The following LURAP1L variants were observed in gnomAD, a reference collection of about 807,000 sequenced individuals.
LURAP1L encodes the protein leucine rich adaptor protein 1 like.
LURAP1L carries 12 observed loss-of-function variants against 13.8 expected under a neutral mutation model. The ratio of observed to expected loss-of-function variants is 0.87; its 90% CI spans 0.56 to 1.41. The LOEUF is 1.41. Among genes scored for constraint, LURAP1L ranks in the 40% most tolerant of loss-of-function variants. The probability of loss-of-function intolerance (pLI) is 0.00; values close to 1 mark genes in which losing one functional copy is unlikely to be tolerated. For missense variants in LURAP1L, 375 were observed against 292.9 expected (o/e 1.28, Z -2.04); for synonymous variants, 139 against 119.2 (o/e 1.17, Z -1.08).
Position 12,775,748 on chromosome 9 carries a change from C to T in LURAP1L, c.33C>T (p.Asp11=), listed in dbSNP as rs760664138. The T allele has an allele frequency of 5.6e-6, 9 of 1,603,796 alleles. No individual in the cohort carries two copies. Among genetic ancestry groups the T allele is most frequent in the Non-Finnish European group, 6.8e-6 (8 of 1,176,846 alleles). Residue 11 remains aspartate, a synonymous_variant, in exon 1 of 2, where the codon GAC becomes GAT. Coordinates refer to ENST00000319264, the MANE Select transcript of LURAP1L (RefSeq NM_203403.2). MEDSPLPDLR[D]IELKLGRKVP... The stretch of plus-strand genomic sequence containing the variant: ...ACAGCCCGCTGCCAGACCTCAGAGA[C>T]ATCGAGCTGAAGCTGGGGCGCAAAG...
chr9:12,798,595 C>T (rs1412454265), intron 1 of LURAP1L, among the ~76,000 whole-genome samples: 3 of 152,138 alleles, frequency 2.0e-5, no homozygotes, highest in Admixed American at 6.5e-5. Context: ...TAGGCATCTG[C>T]TTTTATCACC....
intron 1 of LURAP1L, among the ~76,000 whole-genome samples, chr9:12,805,901 C>T (rs904917432): frequency 2.0e-5 from 3 of 151,966 alleles, no homozygotes; most frequent in African/African-American, 7.3e-5. Flanking sequence ...ATAAGTTAAA[C>T]AAATGTGGAA....
chr9:12,789,944 GA>G (rs2118487381), intron 1 of LURAP1L, among the ~76,000 whole-genome samples: 1 of 152,166 alleles, frequency 6.6e-6, no homozygotes, highest in East Asian at 1.9e-4. Flanking sequence ...TAATTGTGAC[GA>G]CAAAATTGTA....
intron 1 of LURAP1L, among the ~76,000 whole-genome samples, chr9:12,819,101 G>C (rs1819840759): frequency 6.6e-6 from 1 of 152,128 alleles, no homozygotes; most frequent in Non-Finnish European, 1.5e-5. Flanking sequence ...TCATTGCAAG[G>C]TTATTGAGAC....
intron 1 of LURAP1L, among the ~76,000 whole-genome samples, chr9:12,804,348 T>TC (rs1819627140): frequency 6.7e-6 from 1 of 149,120 alleles, no homozygotes; most frequent in Admixed American, 6.8e-5. Context: ...GTTATCTGAT[T>TC]TTTTTTTTTT....
At chr9:12,819,540 A>G (rs2030203421) in intron 1 of LURAP1L, among the ~76,000 whole-genome samples, 1 of 152,212 alleles carries the variant, frequency 6.6e-6, no homozygotes, top group Non-Finnish European at 1.5e-5. Context: ...CCAAGAATGA[A>G]TGTCTGATAA....
chr9:12,780,300 C>A (rs1329782940), intron 1 of LURAP1L, among the ~76,000 whole-genome samples: 1 of 152,072 alleles, frequency 6.6e-6, no homozygotes, highest in East Asian at 1.9e-4. Flanking sequence ...TGGTGACTTG[C>A]CAGGTGTGTG....
At chr9:12,797,325 T>C (rs1410660801) in intron 1 of LURAP1L, among the ~76,000 whole-genome samples, 1 of 152,112 alleles carries the variant, frequency 6.6e-6, no homozygotes, top group Non-Finnish European at 1.5e-5. Flanking sequence ...ACTACTGCTA[T>C]GGTTGAAGAG....
At chr9:12,789,301 G>C (rs1426228471) in intron 1 of LURAP1L, among the ~76,000 whole-genome samples, 2 of 152,090 alleles carry the variant, frequency 1.3e-5, no homozygotes, top group Non-Finnish European at 2.9e-5. Flanking sequence ...AACTTACTAA[G>C]CATTAGTGTT....
At chr9:12,815,558 T>C (rs1482156065) in intron 1 of LURAP1L, among the ~76,000 whole-genome samples, 1 of 152,154 alleles carries the variant, frequency 6.6e-6, no homozygotes, top group East Asian at 1.9e-4. Context: ...TTCCTTCTAA[T>C]TCATATTACA....
chr9:12,800,542 AAC>A (rs1819571266), intron 1 of LURAP1L, among the ~76,000 whole-genome samples: 2 of 152,122 alleles, frequency 1.3e-5, no homozygotes, highest in Non-Finnish European at 2.9e-5. Context: ...ACAAAAAAAA[AAC>A]AAAAAACATA....
chr9:12,821,351 T>C, intron 1 of LURAP1L, 35 bp from the exon 2 acceptor site: 1 of 1,585,906 alleles, frequency 6.3e-7, no homozygotes, highest in Non-Finnish European at 8.6e-7. Context: ...GAGTGTAAAA[T>C]GGCTGGAATA....
At chr9:12,786,659 C>G (rs780628766) in intron 1 of LURAP1L, among the ~76,000 whole-genome samples, 4 of 145,942 alleles carry the variant, frequency 2.7e-5, no homozygotes, top group South Asian at 4.4e-4. Flanking sequence ...TAAATTTGCT[C>G]ATCTGGGATG....
intron 1 of LURAP1L, among the ~76,000 whole-genome samples, chr9:12,787,341 T>G (rs914321552): frequency 6.6e-6 from 1 of 152,182 alleles, no homozygotes; most frequent in Non-Finnish European, 1.5e-5. Context: ...TATATATATA[T>G]GTATATGTAT....
chr9:12,778,290 C>T (rs565162537), intron 1 of LURAP1L, among the ~76,000 whole-genome samples: 18 of 152,210 alleles, frequency 1.2e-4, no homozygotes, highest in South Asian at 1.0e-3. Flanking sequence ...AGGCTTGTCC[C>T]GCTCTCTGTG....
At chr9:12,788,970 G>A (rs1309786763) in intron 1 of LURAP1L, among the ~76,000 whole-genome samples, 1 of 151,178 alleles carries the variant, frequency 6.6e-6, no homozygotes, top group Non-Finnish European at 1.5e-5. Context: ...AGGAGGCAGG[G>A]TCAGGAGGAT....
chr9:12,817,369 C>T (rs1427714388), intron 1 of LURAP1L, among the ~76,000 whole-genome samples: 3 of 152,152 alleles, frequency 2.0e-5, no homozygotes, highest in Non-Finnish European at 4.4e-5. Flanking sequence ...CAGGTTTTGG[C>T]ATAGAGTGGT....
At chr9:12,783,258 A>T (rs570085232) in intron 1 of LURAP1L, among the ~76,000 whole-genome samples, 134 of 152,200 alleles carry the variant, frequency 8.8e-4, no homozygotes, top group African/African-American at 3.1e-3. Context: ...ATAAACAGTG[A>T]TGAAGTGGGC....
intron 1 of LURAP1L, among the ~76,000 whole-genome samples, chr9:12,786,404 A>G (rs1819350761): frequency 6.6e-6 from 1 of 151,468 alleles, no homozygotes; most frequent in South Asian, 2.1e-4. Context: ...TGCATTCTTC[A>G]ATATGAAAAA....
Sources: gnomAD v4.1 joint callset for allele counts (sites outside exome capture counted in the v4.1 genomes callset) on GRCh38, gnomAD v4.1.1 for gene constraint, MANE v1.5 for transcripts, NCBI Gene and HGNC (gene_info 2026-07-23, HGNC 2026-07-21) for gene names.